Variants in SPIDR observed in about 807,000 individuals in gnomAD.
SPIDR encodes the protein scaffold protein involved in DNA repair.
A neutral mutation model predicts 104.6 loss-of-function variants in SPIDR; 93 were observed. The observed-to-expected ratio is 0.89, with a 90% CI of 0.75 to 1.06. SPIDR has a LOEUF of 1.06. Ranked by LOEUF, SPIDR falls within the 50% of genes least tolerant of loss-of-function variation. The probability of loss-of-function intolerance (pLI) is 0.00; values close to 1 mark genes in which losing one functional copy is unlikely to be tolerated. For synonymous variants in SPIDR, 431 were observed against 416.9 expected, an observed-to-expected ratio of 1.03 and a Z score of -0.41; for missense variants, 1,154 against 1,111.2, an observed-to-expected ratio of 1.04 and a Z score of -0.55.
chr8:47,307,411 G>T (rs945241286), intron 5 of SPIDR, among the ~76,000 whole-genome samples: 1 of 150,728 alleles, frequency 6.6e-6, no homozygotes, highest in African/African-American at 2.4e-5. Context: ...TAGAGATGGG[G>T]TTCCACAATG....
intron 5 of SPIDR, among the ~76,000 whole-genome samples, chr8:47,309,911 C>T (rs587596530): frequency 2.6e-5 from 4 of 151,902 alleles, no homozygotes; most frequent in East Asian, 3.9e-4. Context: ...TGGTGGCGGG[C>T]GCCTGTAGTC....
At chr8:47,563,570 T>G (rs1487363710) in intron 8 of SPIDR, among the ~76,000 whole-genome samples, 3 of 152,192 alleles carry the variant, frequency 2.0e-5, no homozygotes, top group Non-Finnish European at 4.4e-5. Context: ...GGTTGTCATG[T>G]ACCATTGTGC....
At chr8:47,707,905 A>G (rs1429154329) in intron 14 of SPIDR, among the ~76,000 whole-genome samples, 1 of 152,218 alleles carries the variant, frequency 6.6e-6, no homozygotes, top group Non-Finnish European at 1.5e-5. Flanking sequence ...TTAATTGGGC[A>G]TATTTGTGTG....
intron 8 of SPIDR, among the ~76,000 whole-genome samples, chr8:47,446,735 C>T (rs1292314972): frequency 4.6e-5 from 7 of 151,598 alleles, no homozygotes; most frequent in Non-Finnish European, 7.4e-5. Context: ...TACAGGTGTG[C>T]GCCACCACGC....
At chr8:47,357,869 AG>A (rs1257979463) in intron 5 of SPIDR, 1 of 984,892 alleles carries the variant, frequency 1.0e-6, no homozygotes, top group Non-Finnish European at 1.2e-6. Flanking sequence ...GGCCACATGA[AG>A]GTCAGTAAAT....
rs186357155 is a variant in SPIDR at position 47,554,241 on chromosome 8, A to G, written c.1098-41570A>G. Among the ~76,000 whole-genome samples, 177 of 152,200 alleles carry G rather than the reference A, an allele frequency of 1.2e-3. 4 individuals are homozygous for G. The East Asian group carries it at 0.03, about 25-fold the overall frequency. ...GCAGTCTGTCCGTTCTCAGATCTCA[A>G]ACTCCGTGCTGGGAGAACCACTACT... On this transcript the variant is annotated intron_variant, in intron 8 of 19. Coordinates refer to ENST00000297423, the MANE Select transcript of SPIDR (RefSeq NM_001080394.4).
chr8:47,727,071 A>G (rs929577390), intron 16 of SPIDR, 129 bp from the exon 17 acceptor site: 2 of 651,848 alleles, frequency 3.1e-6, no homozygotes, highest in South Asian at 1.9e-5. Context: ...TCTTAGGAAC[A>G]TGTATATAAA....
chr8:47,398,703 C>T (rs1335881721), intron 6 of SPIDR, among the ~76,000 whole-genome samples: 2 of 152,206 alleles, frequency 1.3e-5, no homozygotes, highest in East Asian at 1.9e-4. Flanking sequence ...AATGCGTAGA[C>T]TGCAGTGTCC....
chr8:47,472,325 G>T (rs1368966656), intron 8 of SPIDR, among the ~76,000 whole-genome samples: 1 of 152,196 alleles, frequency 6.6e-6, no homozygotes, highest in East Asian at 1.9e-4. Flanking sequence ...AACTCAAGAA[G>T]TCTTGGTAGA....
rs3614 is a variant in SPIDR, at chr8:47,736,128, A to T, written c.*678A>T. On this transcript the variant is annotated 3_prime_UTR_variant, in exon 20 of 20. Transcript: ENST00000297423. ...CACAGACTAAGGAGCAGTCAGTCGG[A>T]TATTTGCTTTGCTGGCAAAGATTTA... is the stretch of plus-strand genomic sequence containing the variant. The T allele has an allele frequency of 0.22, 34,100 of 153,690 alleles. 7,285 individuals carry two copies. Among genetic ancestry groups the T allele is most frequent in the African/African-American group, 0.55 (22,883 of 41,472 alleles). The allele number at this position is 153,690 out of a possible 1,614,324, so 9.5% of individuals were successfully genotyped here.
chr8:47,483,002 G>A (rs1445737022), intron 8 of SPIDR, among the ~76,000 whole-genome samples: 1 of 152,106 alleles, frequency 6.6e-6, no homozygotes, highest in Non-Finnish European at 1.5e-5. Context: ...CCAAGGAAAG[G>A]CCGCCCCTCT....
chr8:47,314,408 C>T (rs2044857055), intron 5 of SPIDR, among the ~76,000 whole-genome samples: 1 of 152,116 alleles, frequency 6.6e-6, no homozygotes, highest in Admixed American at 6.5e-5. Flanking sequence ...CTAATAAAGA[C>T]ATACTCGAAA....
chr8:47,713,476 T>C lies in SPIDR; in HGVS notation c.2189-13T>C. The C allele has an allele frequency of 6.2e-7, 1 of 1,614,066 alleles. No individual in the cohort carries two copies. Among genetic ancestry groups the C allele is most frequent in the Non-Finnish European group, 8.5e-7 (1 of 1,179,944 alleles). On this transcript the variant is annotated splice_polypyrimidine_tract_variant and intron_variant, in intron 15 of 19. Coordinates refer to ENST00000297423, the MANE Select transcript of SPIDR (RefSeq NM_001080394.4). ...TTCAAGGCTTCAATAACCTGAAGTG[T>C]CTCTGTCGGCAGGTCGGATTGTTTG...
intron 2 of SPIDR, among the ~76,000 whole-genome samples, chr8:47,281,977 G>T (rs2037877361): frequency 6.6e-6 from 1 of 152,234 alleles, no homozygotes; most frequent in Non-Finnish European, 1.5e-5. Flanking sequence ...AGTGGTGTTA[G>T]CAGGTATGAA....
chr8:47,692,970 C>T (rs539933449), intron 11 of SPIDR, among the ~76,000 whole-genome samples: 1 of 152,308 alleles, frequency 6.6e-6, no homozygotes, highest in East Asian at 1.9e-4. Context: ...TGCCACGCAG[C>T]TTTCCAGAGC....
chr8:47,639,418 CAG>C (rs973972456), intron 10 of SPIDR, among the ~76,000 whole-genome samples: 1 of 152,332 alleles, frequency 6.6e-6, no homozygotes, highest in African/African-American at 2.4e-5. Flanking sequence ...ACTTGTCTCT[CAG>C]AGAGATACAT....
rs552065881 is a variant in SPIDR, at chr8:47,413,886, T to A, written c.877+5925T>A. Among the ~76,000 whole-genome samples, 4 of 152,354 alleles carry A rather than the reference T, an allele frequency of 2.6e-5. No individual in the cohort carries two copies. In the East Asian group the frequency reaches 7.7e-4, roughly 29 times the overall value. ...CTAAGGCCAGATTTGAACTGTCAAG[T>A]CGAAGTTTGTTAATCTCTACAGACC... On this transcript the variant is annotated intron_variant, in intron 7 of 19. Transcript: ENST00000297423.
intron 8 of SPIDR, among the ~76,000 whole-genome samples, chr8:47,555,630 A>T (rs1273379939): frequency 6.6e-6 from 1 of 152,212 alleles, no homozygotes; most frequent in East Asian, 1.9e-4. Flanking sequence ...AGGTGCTAAT[A>T]GTTGGAGCTA....
At chr8:47,370,439 ATTTTTTTTTTTT>A (rs34220804) in intron 5 of SPIDR, among the ~76,000 whole-genome samples, 1 of 99,076 alleles carries the variant, frequency 1.0e-5, no homozygotes, top group African/African-American at 4.3e-5. Context: ...AGAGGTCAAG[ATTTTTTTTTTTT>A]TTTTTTTTTT....
Sources: allele counts gnomAD v4.1 joint callset (sites outside exome capture counted in the v4.1 genomes callset), GRCh38; gene constraint gnomAD v4.1.1; transcripts MANE v1.5; gene names NCBI Gene and HGNC (gene_info 2026-07-23, HGNC 2026-07-21).